CES5A: variants seen among roughly 807,000 people sequenced by gnomAD.
The protein encoded by CES5A is carboxylesterase 5A.
A neutral mutation model predicts 62.9 loss-of-function variants in CES5A; 67 were observed. That is an observed-to-expected ratio of 1.07 (90% CI 0.88 to 1.31). The LOEUF (loss-of-function observed/expected upper bound fraction) is 1.31, where lower values mean the gene tolerates loss of function less well. CES5A is among the 50% of genes most tolerant of loss of function. The probability of loss-of-function intolerance (pLI) is 0.00; values close to 1 mark genes in which losing one functional copy is unlikely to be tolerated. For synonymous variants in CES5A, 296 were observed against 280.8 expected, an observed-to-expected ratio of 1.05 and a Z score of -0.54; for missense variants, 748 against 708.5, an observed-to-expected ratio of 1.06 and a Z score of -0.63.
chr16:55,949,884 C>T, exon 2 of CES5A: 2 of 1,500,172 alleles, frequency 1.3e-6, no homozygotes, highest in Non-Finnish European at 1.8e-6. Flanking sequence ...CTCCACATTC[C>T]CCTTCTTATC....
chr16:55,871,710 T>C lies in CES5A; in HGVS notation c.332A>G (p.His111Arg), dbSNP rs533154273. The C allele has an allele frequency of 1.2e-5, 19 of 1,614,146 alleles. No homozygotes were observed. In the East Asian group the frequency reaches 3.8e-4, roughly 32 times the overall value. ...LLLDQHMLKV[H>R]YPKFGVSEDC... ...TTCTGACACTCCGAATTTCGGGTAA[T>C]GCACCTTGAGCATATGTTGATCTAA... Residue 111 changes from histidine (H) to arginine (R), a missense_variant, in exon 3 of 13, where the codon CAT becomes CGT. By Grantham distance (29) the His-to-Arg change is conservative. Transcript: ENST00000290567.
intron 2 of CES5A, among the ~76,000 whole-genome samples, chr16:55,937,095 C>T (rs2034384876): frequency 6.6e-6 from 1 of 152,180 alleles, no homozygotes; most frequent in Non-Finnish European, 1.5e-5. Context: ...GGGTAGTTCT[C>T]TCACCTGGGA....
rs1255438891 is a variant in CES5A, at chr16:55,866,054, C to T, written c.614G>A (p.Trp205Ter). 6.2e-7 allele frequency: 1 copy of T among 1,614,168 alleles called. No individual in the cohort carries two copies. The highest frequency in any genetic ancestry group is 2.2e-5 in the East Asian group (1 of 44,884). The part of the protein sequence containing the change: ...AFKDQVAALS[W>*]VQKNIEFFGG... ...GAAGAACTCGATGTTCTTCTGGACCCAGGACAGAGCAGCCACCTGGTCCTT... is the reference window on the plus strand; with the variant it reads ...GAAGAACTCGATGTTCTTCTGGACCTAGGACAGAGCAGCCACCTGGTCCTT... The change falls in exon 5 of 13, where the codon TGG becomes TAG. Residue 205 changes from tryptophan to a stop codon, truncating the protein, a stop_gained. Transcript: ENST00000290567. LOFTEE classifies it high-confidence loss of function.
upstream of CES5A, among the ~76,000 whole-genome samples, chr16:55,879,187 G>A (rs1938088828): frequency 7.6e-6 from 1 of 131,556 alleles, no homozygotes; most frequent in South Asian, 2.5e-4. Flanking sequence ...CTCCACCAAT[G>A]CTCCCCATTT....
At position 55,846,629 on chromosome 16, in the gene CES5A, T is replaced by C. The variant is rs1336175974; in HGVS notation, c.1550A>G (p.Gln517Arg). The change falls in exon 13 of 13, where the codon CAG (glutamine) becomes CGG (arginine). Residue 517 changes from glutamine (Q) to arginine (R), a missense_variant. Transcript: ENST00000290567. The part of the protein sequence containing the change: ...SLWPAYNLTE[Q>R]YLQLDLNMSL... ...CATGTTCAAGTCCAGCTGGAGGTAC[T>C]GCTCAGTCAGATTATAAGCTGGCCA... 2 of 1,614,164 alleles carry C rather than the reference T, an allele frequency of 1.2e-6. No homozygotes were observed. Among genetic ancestry groups the C allele is most frequent in the Non-Finnish European group, 1.7e-6 (2 of 1,180,024 alleles).
chr16:55,871,532 G>T, intron 3 of CES5A, 93 bp downstream of exon 3: 1 of 1,412,184 alleles, frequency 7.1e-7, no homozygotes, highest in East Asian at 2.3e-5. Context: ...CCAACAGGGG[G>T]TAGTTCCAAT....
In CES5A at chr16:55,852,874, T is replaced by C. The variant is rs1339700301; in HGVS notation, c.1273+7A>G. On this transcript the variant is annotated splice_region_variant and intron_variant, in intron 10 of 12. Coordinates refer to ENST00000290567, the MANE Select transcript of CES5A (RefSeq NM_001143685.2). ...ATGGTCCTGGAGCGGGATGCTCAGA[T>C]ACTCACCTCTGTGATATCGAGCTGT... is the stretch of plus-strand genomic sequence containing the variant. 2.5e-5 allele frequency: 41 copies of C among 1,611,048 alleles called. No individual in the cohort carries two copies. Among genetic ancestry groups the C allele is most frequent in the Non-Finnish European group, 3.1e-5 (37 of 1,178,492 alleles).
intron 2 of CES5A, among the ~76,000 whole-genome samples, chr16:55,945,461 C>A (rs1239352834): frequency 6.6e-6 from 1 of 152,254 alleles, no homozygotes; most frequent in Non-Finnish European, 1.5e-5. Flanking sequence ...GACCTGCAGA[C>A]TATACGGCCA....
intron 7 of CES5A, among the ~76,000 whole-genome samples, chr16:55,860,697 T>G (rs1180445564): frequency 6.6e-6 from 1 of 152,178 alleles, no homozygotes; most frequent in African/African-American, 2.4e-5. Context: ...GTTTCTGTTT[T>G]GAGATTTGGG....
intron 2 of CES5A, among the ~76,000 whole-genome samples, chr16:55,873,114 G>A (rs1327616662): frequency 6.6e-6 from 1 of 152,124 alleles, no homozygotes; most frequent in East Asian, 1.9e-4. Flanking sequence ...CTGAGAGCTT[G>A]ACAGAATCTA....
chr16:55,874,363 T>C (rs1161662927), intron 1 of CES5A, among the ~76,000 whole-genome samples: 1 of 152,168 alleles, frequency 6.6e-6, no homozygotes, highest in Non-Finnish European at 1.5e-5. Context: ...CCGAACTCTG[T>C]AGATCCTGGG....
exon 2 of CES5A, chr16:55,949,874 C>T (rs573701632): frequency 6.6e-7 from 1 of 1,518,794 alleles, no homozygotes; most frequent in African/African-American, 1.4e-5. Flanking sequence ...CAGGCACAAT[C>T]TCCACATTCC....
chr16:55,935,790 T>C (rs1321963615), intron 2 of CES5A, among the ~76,000 whole-genome samples: 1 of 144,772 alleles, frequency 6.9e-6, no homozygotes, highest in Non-Finnish European at 1.5e-5. Flanking sequence ...CACTAATGCT[T>C]TTTTTTTTTG....
intron 2 of CES5A, chr16:55,944,045 C>T (rs2034470198): frequency 2.8e-6 from 2 of 702,172 alleles, no homozygotes; most frequent in Non-Finnish European, 5.2e-6. Context: ...GAAGGGGACT[C>T]ACCTCCATGC....
chr16:55,849,822 G>A (rs1209465214), intron 10 of CES5A, 49 bp from the exon 11 acceptor site: 2 of 1,593,102 alleles, frequency 1.3e-6, no homozygotes. Flanking sequence ...GCGGAGCAGG[G>A]GGCTGGCTCT....
intron 11 of CES5A, 149 bp from the exon 12 acceptor site, chr16:55,846,989 A>T: frequency 1.4e-6 from 1 of 714,754 alleles, no homozygotes; most frequent in Non-Finnish European, 2.4e-6. Context: ...ATACATGCAG[A>T]TACTGAGGCT....
At chr16:55,913,263 G>A (rs1172115976) in intron 1 of CES5A, among the ~76,000 whole-genome samples, 1 of 151,986 alleles carries the variant, frequency 6.6e-6, no homozygotes, top group Non-Finnish European at 1.5e-5. Flanking sequence ...CTGTTCCTGG[G>A]TGCAATGGCA....
At chr16:55,900,090 A>C (rs2033975286) in intron 1 of CES5A, among the ~76,000 whole-genome samples, 1 of 151,456 alleles carries the variant, frequency 6.6e-6, no homozygotes, top group African/African-American at 2.4e-5. Flanking sequence ...CTGAATGCAG[A>C]CCCCCCTTCA....
intron 1 of CES5A, among the ~76,000 whole-genome samples, chr16:55,913,502 GAAA>G (rs1401588341): frequency 2.0e-5 from 3 of 152,174 alleles, no homozygotes; most frequent in African/African-American, 4.8e-5. Flanking sequence ...TGGTCCCCAG[GAAA>G]GAAGAGGGTC....
Sources: gnomAD v4.1 joint callset for allele counts (sites outside exome capture counted in the v4.1 genomes callset) on GRCh38, gnomAD v4.1.1 for gene constraint, MANE v1.5 for transcripts, NCBI Gene and HGNC (gene_info 2026-07-23, HGNC 2026-07-21) for gene names.